Variants in SZT2 observed in about 807,000 individuals in gnomAD.
The protein encoded by SZT2 is SZT2 subunit of KICSTOR complex, also known as KICSTOR complex protein SZT2.
Under a neutral mutation model 404.2 loss-of-function variants are expected in SZT2, and 216 were observed. The observed-to-expected ratio is 0.53, with a 90% CI of 0.48 to 0.60. SZT2 has a LOEUF of 0.60. Ranked by LOEUF, SZT2 falls within the 20% of genes least tolerant of loss-of-function variation. The pLI, the probability that SZT2 is intolerant of heterozygous loss-of-function variation, is 0.00. For missense variants in SZT2, 3,857 were observed against 4,459.2 expected (o/e 0.86, Z 3.85); for synonymous variants, 1,693 against 1,749.9 (o/e 0.97, Z 0.81).
Position 43,433,160 on chromosome 1 carries a change from A to G in SZT2, c.5774A>G (p.Gln1925Arg). The G allele has an allele frequency of 6.2e-7, 1 of 1,614,060 alleles. No individual in the cohort carries two copies. Among genetic ancestry groups the G allele is most frequent in the African/African-American group, 1.3e-5 (1 of 75,040 alleles). ...TTCTGGCTCATTGTCCGGGTCCTGC[A>G]GGACCGTGTGGAAGTGTATGCACAT... ...PDFWLIVRVL[Q>R]DRVEVYAHAR... Residue 1925 changes from glutamine (Q) to arginine (R), a missense_variant, in exon 40 of 72, where the codon CAG becomes CGG. Transcript: ENST00000634258.
chr1:43,391,228 C>A (rs975494894), intron 1 of SZT2, among the ~76,000 whole-genome samples: 5 of 151,854 alleles, frequency 3.3e-5, no homozygotes, highest in African/African-American at 9.7e-5. Flanking sequence ...GCAGGAGAAT[C>A]GCTTGAACCC....
At chr1:43,419,617 T>A (rs1357600208) in intron 7 of SZT2, 117 bp from the exon 8 acceptor site, 10 of 802,296 alleles carry the variant, frequency 1.2e-5, no homozygotes, top group Non-Finnish European at 2.0e-5. Flanking sequence ...CTGGCCTACT[T>A]CCCACTCTGT....
Position 43,426,846 on chromosome 1 carries a change from C to T in SZT2, c.3309+37C>T. The T allele has an allele frequency of 6.2e-7, 1 of 1,600,362 alleles. No homozygotes were observed. Among genetic ancestry groups the T allele is most frequent in the Non-Finnish European group, 8.6e-7 (1 of 1,169,338 alleles). ...TTCTTCTCCCTGAGCCCTTGTCACA[C>T]TGACCTCCTTCCAGCACCACATCTT... On this transcript the variant is annotated intron_variant, in intron 23 of 71. Transcript: ENST00000634258. This position sits in a 1 kb window ranked among gnomAD's most constrained non-coding sequence, Gnocchi z 4.9.
Position 43,447,697 on chromosome 1 carries a change from A to G in SZT2, c.9439A>G (p.Ser3147Gly), listed in dbSNP as rs754468503. ...GTATGCCCTGGTGTCGGCATGGCAC[A>G]GGTAAGGCTGAGAGGGGCATCCAGC... ...NEYALVSAWH[S>G]SGSYLDSEGL... Residue 3147 changes from serine (S) to glycine (G), a missense_variant and splice_region_variant, in exon 67 of 72, where the codon AGT (serine) becomes GGT (glycine). Transcript: ENST00000634258. The G allele has an allele frequency of 3.7e-6, 6 of 1,613,818 alleles. No individual in the cohort carries two copies. The highest frequency in any genetic ancestry group is 1.7e-5 in the Admixed American group (1 of 59,986).
In SZT2 at chr1:43,421,057, T is replaced by G. The variant is rs1652298767; in HGVS notation, c.1496+74T>G. 9 of 1,593,996 alleles carry G rather than the reference T, an allele frequency of 5.6e-6. No individual in the cohort carries two copies. The South Asian group carries it at 7.7e-5, about 14-fold the overall frequency. ...GGGACAGATTTGCAAAGGCGGGAGC[T>G]GGGGAGCATCACCCAGAGAACCAGG... On this transcript the variant is annotated intron_variant, in intron 10 of 71. Transcript: ENST00000634258.
At chr1:43,431,670 A>G (rs1653902397) in intron 35 of SZT2, 46 bp from the exon 36 acceptor site, 2 of 1,607,206 alleles carry the variant, frequency 1.2e-6, no homozygotes, top group Non-Finnish European at 1.7e-6. Context: ...GGGGATGCCC[A>G]AGGAAGCAAG....
At chr1:43,429,924 G>T (rs572302643) in intron 29 of SZT2, 80 bp downstream of exon 29, 3 of 1,611,722 alleles carry the variant, frequency 1.9e-6, no homozygotes, top group South Asian at 1.1e-5. Context: ...TGGGCGGGGG[G>T]TATGCATGTG....
Position 43,435,319 on chromosome 1 carries a change from G to A in SZT2, c.6024G>A (p.Leu2008=), listed in dbSNP as rs773973681. Reference sequence around the variant, plus strand: ...TCCACTCCCGTCAGCGGGCACCACTGCCCAGTGATGGTGAGATCCCACCCA... The same window carrying A: ...TCCACTCCCGTCAGCGGGCACCACTACCCAGTGATGGTGAGATCCCACCCA... ...TPFHSRQRAP[L]PSDDYAADES... The change falls in exon 42 of 72, where the codon CTG becomes CTA. Residue 2008 remains leucine, a synonymous_variant. Coordinates refer to ENST00000634258, the MANE Select transcript of SZT2 (RefSeq NM_001365999.1). 1.1e-5 allele frequency: 17 copies of A among 1,614,020 alleles called. No homozygotes were observed. In the South Asian group the frequency reaches 1.4e-4, roughly 14 times the overall value.
rs956294850 is a variant in SZT2, at chr1:43,420,266, A to G, written c.1204A>G (p.Thr402Ala). Residue 402 changes from threonine (T) to alanine (A), a missense_variant, in exon 9 of 72, where the codon ACT becomes GCT. By Grantham distance (58) the Thr-to-Ala change is moderately conservative. This residue lies in a region of SZT2 where 536 missense variants were observed against 637.4 expected (regional missense o/e 0.84). Transcript: ENST00000634258. The surrounding 1 kb of genome is among the most constrained non-coding windows in gnomAD (Gnocchi z 5.1). ...GGAGGTGCCAGCCGACTTGGTCAGC[A>G]CTGTGTCCGTACGGCTTCGAGAGGG... ...EKEVPADLVS[T>A]VSVRLREGYS... The G allele has an allele frequency of 2.5e-6, 4 of 1,598,272 alleles. No individual in the cohort carries two copies. In the African/African-American group the frequency reaches 4.0e-5, roughly 16 times the overall value.
intron 7 of SZT2, among the ~76,000 whole-genome samples, chr1:43,418,879 GT>G (rs1652005431): frequency 6.6e-6 from 1 of 152,214 alleles, no homozygotes; most frequent in Non-Finnish European, 1.5e-5. Flanking sequence ...TAAGGGAATA[GT>G]GTTGTATGTA....
chr1:43,422,655 A>ACCCCCT, intron 13 of SZT2, 23 bp downstream of exon 13: 1 of 1,095,026 alleles, frequency 9.1e-7, no homozygotes, highest in Non-Finnish European at 1.2e-6. Flanking sequence ...ATGTCCCTTC[A>ACCCCCT]CCCCCCGCCC....
chr1:43,439,370 C>T lies in SZT2; in HGVS notation c.6805C>T (p.Pro2269Ser). 2 of 1,614,066 alleles carry T rather than the reference C, an allele frequency of 1.2e-6. No homozygotes were observed. Among genetic ancestry groups the T allele is most frequent in the South Asian group, 2.2e-5 (2 of 91,044 alleles). Residue 2269 changes from proline to serine, a missense_variant, in exon 49 of 72, where the codon CCA becomes TCA. Pro to Ser is a moderately conservative substitution (Grantham distance 74, BLOSUM62 -1). Around this residue, in one of 7 missense-constraint regions of SZT2, gnomAD observed 261 missense variants for 372.9 expected, o/e 0.70. Coordinates refer to ENST00000634258, the MANE Select transcript of SZT2 (RefSeq NM_001365999.1). This position sits in a 1 kb window ranked among gnomAD's most constrained non-coding sequence, Gnocchi z 4.2. ...GTTCTTTCCCCAGCATCCACTCCCA[C>T]CACAGGGTGGCCTCCCTGACTTGGA... ...SRNHFQHPLP[P>S]QGGLPDLDIY...
In SZT2 at chr1:43,451,825, T is replaced by C. The variant is rs1259570327; in HGVS notation, c.*1345T>C. ...TTTGTAATTGGAGGTTGGGTCTTCC[T>C]ACCTTCTGTAAGATGGCTGCCGCTG... is the stretch of plus-strand genomic sequence containing the variant. On this transcript the variant is annotated 3_prime_UTR_variant, in exon 72 of 72. Transcript: ENST00000634258. 16 of 1,614,048 alleles carry C rather than the reference T, an allele frequency of 9.9e-6. No individual in the cohort carries two copies. The highest frequency in any genetic ancestry group is 1.4e-5 in the Non-Finnish European group (16 of 1,179,966).
chr1:43,419,899 T>C lies in SZT2; in HGVS notation c.1045T>C (p.Ser349Pro). 6.3e-7 allele frequency: 1 copy of C among 1,598,388 alleles called. No homozygotes were observed. The highest frequency in any genetic ancestry group is 8.5e-7 in the Non-Finnish European group (1 of 1,179,760). The change falls in exon 8 of 72, where the codon TCC (serine) becomes CCC (proline). Residue 349 changes from serine to proline, a missense_variant. Ser to Pro is a moderately conservative substitution (Grantham distance 74, BLOSUM62 -1). Transcript: ENST00000634258. ...TVYHRAFLLY[S>P]FLRSGEALNP... is the part of the protein sequence containing the mutation. The stretch of plus-strand genomic sequence containing the variant: ...CTACCACCGGGCATTTCTCCTCTAT[T>C]CCTTCCTGCGCAGTGGGGAAGCACT...
intron 1 of SZT2, among the ~76,000 whole-genome samples, chr1:43,402,875 G>T (rs960768276): frequency 6.6e-6 from 1 of 152,150 alleles, no homozygotes; most frequent in African/African-American, 2.4e-5. Context: ...AGTAGAATCA[G>T]ACACAGCCCC....
intron 3 of SZT2, 92 bp from the exon 4 acceptor site, chr1:43,404,288 A>T: frequency 1.9e-6 from 2 of 1,070,126 alleles, no homozygotes; most frequent in Non-Finnish European, 2.7e-6. Context: ...TCCATAAGTT[A>T]AGTGTCCTAC....
rs771484671 is a variant in SZT2 at position 43,441,402 on chromosome 1, G to A, written c.7511+22G>A. The A allele has an allele frequency of 6.2e-7, 1 of 1,613,238 alleles. No individual in the cohort carries two copies. The highest frequency in any genetic ancestry group is 8.5e-7 in the Non-Finnish European group (1 of 1,179,436). ...AAAAGTATGTGTGTGGTGGTGGTGT[G>A]CCCTGGGAGGGTATGGGTGTGAAGT... On this transcript the variant is annotated intron_variant, in intron 53 of 71. Transcript: ENST00000634258. This position sits in a 1 kb window ranked among gnomAD's most constrained non-coding sequence, Gnocchi z 4.8.
chr1:43,416,684 C>A, intron 7 of SZT2, 43 bp downstream of exon 7: 2 of 1,484,788 alleles, frequency 1.3e-6, no homozygotes, highest in South Asian at 1.2e-5. Context: ...TGGAATATCT[C>A]ACACAAAGTT....
In SZT2 at chr1:43,435,346, G is replaced by A. The variant is rs1372860199; in HGVS notation, c.6034+17G>A. ...CCAGTGATGGTGAGATCCCACCCAG[G>A]AGCCTCCCTCACAAGGCAGTGCTGC... On this transcript the variant is annotated intron_variant, in intron 42 of 71. Transcript: ENST00000634258. 2.5e-6 allele frequency: 4 copies of A among 1,613,388 alleles called. No individual in the cohort carries two copies. The highest frequency in any genetic ancestry group is 3.4e-6 in the Non-Finnish European group (4 of 1,179,880).
Sources: allele counts gnomAD v4.1 joint callset (sites outside exome capture counted in the v4.1 genomes callset), GRCh38; gene constraint gnomAD v4.1.1; regional missense constraint gnomAD v4.1.1; non-coding constraint Gnocchi (gnomAD v3.1); transcripts MANE v1.5; gene names NCBI Gene and HGNC (gene_info 2026-07-23, HGNC 2026-07-21).